TMEM132C: variants seen among roughly 807,000 people sequenced by gnomAD.
The protein encoded by TMEM132C is transmembrane protein 132C, also known as protein phosphatase 1, regulatory subunit 152.
TMEM132C carries 29 observed loss-of-function variants against 61.4 expected under a neutral mutation model. The ratio of observed to expected loss-of-function variants is 0.47; its 90% CI spans 0.35 to 0.64. The LOEUF is 0.64. Among genes scored for constraint, TMEM132C ranks in the 30% least tolerant of loss-of-function variants. The pLI is 0.00. For synonymous variants in TMEM132C, 656 were observed against 633.1 expected, an observed-to-expected ratio of 1.04 and a Z score of -0.54; for missense variants, 1,408 against 1,476.9, an observed-to-expected ratio of 0.95 and a Z score of 0.76.
rs144728370 is a variant in TMEM132C at position 128,440,392 on chromosome 12, T to C, written c.974+24772T>C. ...TGGTAGGTAGCTCACAAAATCTTCA[T>C]GAGAAACAGAGCCAGGGTTAGGACC... is the stretch of plus-strand genomic sequence containing the variant. On this transcript the variant is annotated intron_variant, in intron 2 of 8. Coordinates refer to ENST00000435159, the MANE Select transcript of TMEM132C (RefSeq NM_001136103.3). Among the ~76,000 whole-genome samples, 1,170 of 152,302 alleles carry C rather than the reference T, an allele frequency of 7.7e-3. 8 individuals carry two copies. Among genetic ancestry groups the C allele is most frequent in the African/African-American group, 0.026 (1,095 of 41,568 alleles).
intron 2 of TMEM132C, among the ~76,000 whole-genome samples, chr12:128,442,242 T>C (rs749807138): frequency 2.6e-5 from 4 of 152,214 alleles, no homozygotes; most frequent in Non-Finnish European, 5.9e-5. Context: ...TGGTTTCTGA[T>C]TGATTTCTCC....
intron 1 of TMEM132C, among the ~76,000 whole-genome samples, chr12:128,320,259 CT>C (rs946377204): frequency 6.6e-6 from 1 of 150,588 alleles, no homozygotes; most frequent in African/African-American, 2.4e-5. Context: ...CTTTCTTTTT[CT>C]TTTTTTTTGC....
intron 2 of TMEM132C, among the ~76,000 whole-genome samples, chr12:128,527,936 A>G (rs1327549253): frequency 1.3e-5 from 2 of 152,072 alleles, no homozygotes; most frequent in South Asian, 2.1e-4. Context: ...CTTTTTTCTC[A>G]TCTGTTTAAA....
intron 5 of TMEM132C, among the ~76,000 whole-genome samples, chr12:128,686,042 C>CGCGTGTGTGCATGTGTGTGTGTGTGCAT (rs1954671020): frequency 3.1e-5 from 3 of 95,488 alleles, no homozygotes; most frequent in Non-Finnish European, 2.6e-5. Context: ...TGTGTATTCG[C>CGCGTGTGTGCATGTGTGTGTGTGTGCAT]GCGTGTGTGC....
At chr12:128,521,641 T>C (rs1209139078) in intron 2 of TMEM132C, among the ~76,000 whole-genome samples, 1 of 152,150 alleles carries the variant, frequency 6.6e-6, no homozygotes, top group African/African-American at 2.4e-5. Flanking sequence ...CTTGATTTGG[T>C]TAGAAAACTA....
At chr12:128,300,812 G>A (rs1871570681) in intron 1 of TMEM132C, among the ~76,000 whole-genome samples, 1 of 152,168 alleles carries the variant, frequency 6.6e-6, no homozygotes, top group African/African-American at 2.4e-5. Context: ...GTAAGCGGGA[G>A]GATTGTTTGA....
chr12:128,619,488 G>A (rs890537155), intron 4 of TMEM132C, among the ~76,000 whole-genome samples: 1 of 152,226 alleles, frequency 6.6e-6, no homozygotes, highest in Non-Finnish European at 1.5e-5. Flanking sequence ...TCACTTGCTG[G>A]TCCCTGGGCA....
intron 7 of TMEM132C, 136 bp from the exon 8 acceptor site, chr12:128,697,088 T>C (rs1276474268): frequency 6.0e-6 from 4 of 669,522 alleles, no homozygotes; most frequent in Non-Finnish European, 9.4e-6. Flanking sequence ...GCATATAGAG[T>C]GAAGTAGATA....
chr12:128,495,527 G>A (rs1871915390), intron 2 of TMEM132C, among the ~76,000 whole-genome samples: 1 of 152,270 alleles, frequency 6.6e-6, no homozygotes, highest in Non-Finnish European at 1.5e-5. Flanking sequence ...CTCGTGTATT[G>A]GGTGCATACA....
Position 128,449,738 on chromosome 12 carries a change from G to GT in TMEM132C, c.974+34126dup, listed in dbSNP as rs200062736. Among the ~76,000 whole-genome samples, 1,458 of 152,062 alleles carry GT rather than the reference G, an allele frequency of 9.6e-3. 24 individuals carry two copies. The highest frequency in any genetic ancestry group is 0.034 in the African/African-American group (1,393 of 41,452). ...TCCCATTGTCTCAAAAATAGCAGTG[G>GT]TTTTTTTTGACAGGTGTCTCCTTAG... On this transcript the variant is annotated intron_variant, in intron 2 of 8. Transcript: ENST00000435159.
chr12:128,277,591 C>T (rs1339854534), intron 1 of TMEM132C, among the ~76,000 whole-genome samples: 1 of 152,206 alleles, frequency 6.6e-6, no homozygotes, highest in East Asian at 1.9e-4. Flanking sequence ...GTCACTTCCA[C>T]CCACACCACT....
At chr12:128,685,374 C>T (rs1004916917) in intron 5 of TMEM132C, among the ~76,000 whole-genome samples, 5 of 152,248 alleles carry the variant, frequency 3.3e-5, no homozygotes, top group South Asian at 4.1e-4. Context: ...TGCAGGTAAG[C>T]GGGGCTCGGC....
At chr12:128,557,872 T>C (rs1874380889) in intron 3 of TMEM132C, among the ~76,000 whole-genome samples, 1 of 152,252 alleles carries the variant, frequency 6.6e-6, no homozygotes, top group Admixed American at 6.5e-5. Flanking sequence ...AAGTGTTTGC[T>C]GACATCGTGC....
chr12:128,586,509 A>G (rs1875554928), intron 3 of TMEM132C, among the ~76,000 whole-genome samples: 2 of 152,076 alleles, frequency 1.3e-5, no homozygotes. Flanking sequence ...ACAGGGGGAA[A>G]TGGGATTTGG....
intron 1 of TMEM132C, among the ~76,000 whole-genome samples, chr12:128,394,219 C>T (rs1301588762): frequency 6.6e-6 from 1 of 152,128 alleles, no homozygotes; most frequent in Non-Finnish European, 1.5e-5. Flanking sequence ...CAGGAAAGAC[C>T]TACCCCCATG....
Position 128,642,809 on chromosome 12 carries a change from C to T in TMEM132C, c.1305+26474C>T, listed in dbSNP as rs1022008877. On this transcript the variant is annotated intron_variant, in intron 4 of 8. Coordinates refer to ENST00000435159, the MANE Select transcript of TMEM132C (RefSeq NM_001136103.3). The stretch of plus-strand genomic sequence containing the variant: ...CTAAAAGAGAAGCGGAGGCACAGAA[C>T]GGTTAAGTAATTTGCCAAGGACACA... Among the ~76,000 whole-genome samples, 8 of 152,308 alleles carry T rather than the reference C, an allele frequency of 5.3e-5. No individual in the cohort carries two copies. The South Asian group carries it at 8.3e-4, about 16-fold the overall frequency.
intron 2 of TMEM132C, chr12:128,439,352 C>T (rs946158056): frequency 6.6e-6 from 1 of 152,202 alleles, no homozygotes; most frequent in African/African-American, 2.4e-5. Flanking sequence ...CTCTTGAATA[C>T]AGGATATTGC....
chr12:128,366,773 A>G (rs371403042), intron 1 of TMEM132C, among the ~76,000 whole-genome samples: 7 of 152,158 alleles, frequency 4.6e-5, no homozygotes, highest in South Asian at 2.1e-4. Context: ...TATTTACTTA[A>G]TTAATATGCA....
At chr12:128,456,175 C>T (rs923557214) in intron 2 of TMEM132C, among the ~76,000 whole-genome samples, 7 of 151,968 alleles carry the variant, frequency 4.6e-5, no homozygotes, top group African/African-American at 1.5e-4. Context: ...TTTCAGGAAC[C>T]AACTCTCTTA....
Sources: gnomAD v4.1 joint callset for allele counts (sites outside exome capture counted in the v4.1 genomes callset) on GRCh38, gnomAD v4.1.1 for gene constraint, MANE v1.5 for transcripts, NCBI Gene and HGNC (gene_info 2026-07-23, HGNC 2026-07-21) for gene names.